SLC30A9: variants seen among roughly 807,000 people sequenced by gnomAD.
SLC30A9 encodes the protein proton-coupled zinc antiporter SLC30A9, mitochondrial.
Under a neutral mutation model 87.5 loss-of-function variants are expected in SLC30A9, and 58 were observed. The observed-to-expected ratio is 0.66, with a 90% CI of 0.54 to 0.82. The LOEUF (loss-of-function observed/expected upper bound fraction) is 0.82, where lower values mean the gene tolerates loss of function less well. SLC30A9 is among the 40% of genes least tolerant of loss of function. The probability of loss-of-function intolerance (pLI) is 0.00; values close to 1 mark genes in which losing one functional copy is unlikely to be tolerated. For synonymous variants in SLC30A9, 234 were observed against 233.0 expected (o/e 1.00, Z -0.04); for missense variants, 557 against 679.1 (o/e 0.82, Z 2.00).
At chr4:42,031,019 T>C (rs1716412776) in intron 6 of SLC30A9, among the ~76,000 whole-genome samples, 1 of 152,254 alleles carries the variant, frequency 6.6e-6, no homozygotes, top group South Asian at 2.1e-4. Flanking sequence ...TTTTTATTTA[T>C]GCAGTTGTAC....
intron 15 of SLC30A9, among the ~76,000 whole-genome samples, chr4:42,071,015 C>T (rs1258533052): frequency 2.0e-5 from 3 of 151,924 alleles, no homozygotes; most frequent in South Asian, 2.1e-4. Context: ...GCCTTATATT[C>T]GCATTGCAAT....
intron 6 of SLC30A9, among the ~76,000 whole-genome samples, chr4:42,027,728 A>G (rs561098243): frequency 1.3e-5 from 2 of 152,346 alleles, no homozygotes; most frequent in South Asian, 4.1e-4. Context: ...AAGATGGAAT[A>G]TATTACAGCA....
chr4:42,002,512 T>G (rs1489886236), intron 2 of SLC30A9, among the ~76,000 whole-genome samples: 1 of 152,072 alleles, frequency 6.6e-6, no homozygotes, highest in Non-Finnish European at 1.5e-5. Flanking sequence ...TAGTTATAAG[T>G]GAGAATATGT....
At chr4:42,049,591 T>G (rs4241696) in intron 9 of SLC30A9, 112 bp downstream of exon 9, 383,946 of 499,744 alleles carry the variant, frequency 0.77, 152,071 homozygotes, top group East Asian at 0.97. Context: ...GCTTGTGGGA[T>G]AAAATAAAAG....
At chr4:42,069,497 A>G (rs186317889) in intron 14 of SLC30A9, among the ~76,000 whole-genome samples, 1 of 152,320 alleles carries the variant, frequency 6.6e-6, no homozygotes, top group East Asian at 1.9e-4. Context: ...CAAAACTTCT[A>G]ATGGATAATG....
intron 6 of SLC30A9, among the ~76,000 whole-genome samples, chr4:42,033,158 A>T (rs1159128339): frequency 6.6e-6 from 1 of 152,088 alleles, no homozygotes; most frequent in African/African-American, 2.4e-5. Context: ...TTTGCTTCTG[A>T]TTTTTAAAAA....
chr4:42,013,432 G>A (rs1364607239), intron 2 of SLC30A9, among the ~76,000 whole-genome samples: 5 of 152,090 alleles, frequency 3.3e-5, no homozygotes, highest in Non-Finnish European at 7.3e-5. Context: ...AAAAACTGTG[G>A]AGGAATATTA....
chr4:42,028,596 A>G (rs1173380707), intron 6 of SLC30A9, among the ~76,000 whole-genome samples: 1 of 152,264 alleles, frequency 6.6e-6, no homozygotes, highest in African/African-American at 2.4e-5. Flanking sequence ...CCTTTTCATC[A>G]GTAGATACTT....
chr4:42,086,200 T>C lies in SLC30A9; in HGVS notation c.*74T>C. On this transcript the variant is annotated 3_prime_UTR_variant, in exon 18 of 18. Coordinates refer to ENST00000264451, the MANE Select transcript of SLC30A9 (RefSeq NM_006345.4). Reference sequence around the variant, plus strand: ...CCGTCCACTCTACAAAGTTTCCTCCTCTCCTACACTGAAAGACTCAGTGCC... The same window carrying C: ...CCGTCCACTCTACAAAGTTTCCTCCCCTCCTACACTGAAAGACTCAGTGCC... The C allele has an allele frequency of 1.1e-6, 1 of 879,524 alleles. No homozygotes were observed. Among genetic ancestry groups the C allele is most frequent in the South Asian group, 2.1e-5 (1 of 47,080 alleles). The allele number at this position is 879,524 out of a possible 1,614,324, so 54.5% of individuals were successfully genotyped here. A position where few individuals can be genotyped will look rare whatever the true frequency, so the allele number is the denominator to read the frequency against.
intron 6 of SLC30A9, chr4:42,030,120 C>A: frequency 2.2e-6 from 2 of 914,668 alleles, no homozygotes; most frequent in Non-Finnish European, 3.1e-6. Flanking sequence ...AAGTTAAGAG[C>A]TGATCACAAG....
At chr4:42,054,676 G>C (rs1717530929) in intron 9 of SLC30A9, among the ~76,000 whole-genome samples, 1 of 151,716 alleles carries the variant, frequency 6.6e-6, no homozygotes, top group East Asian at 2.0e-4. Flanking sequence ...ATTTTTAGTA[G>C]AGACGGGGTT....
intron 9 of SLC30A9, among the ~76,000 whole-genome samples, chr4:42,056,469 C>T (rs1411794769): frequency 1.3e-5 from 2 of 152,164 alleles, no homozygotes; most frequent in East Asian, 3.9e-4. Context: ...TTAAAACCAT[C>T]AGATCTTGTG....
At chr4:42,000,328 TGAA>T (rs1714927150) in intron 1 of SLC30A9, among the ~76,000 whole-genome samples, 1 of 152,128 alleles carries the variant, frequency 6.6e-6, no homozygotes, top group African/African-American at 2.4e-5. Flanking sequence ...GTGGCCAGGA[TGAA>T]GAAGATGCTT....
chr4:42,023,399 T>A lies in SLC30A9; in HGVS notation c.610+15T>A. ...ATACAGAGAAAGTAAGTATATTCAA[T>A]TTAAAGTCAAGTTAATTGAAAAATA... On this transcript the variant is annotated intron_variant, in intron 6 of 17. Transcript: ENST00000264451. 1 of 1,498,954 alleles carries A rather than the reference T, an allele frequency of 6.7e-7. No individual in the cohort carries two copies. Among genetic ancestry groups the A allele is most frequent in the Non-Finnish European group, 9.3e-7 (1 of 1,075,254 alleles). The allele number at this position is 1,498,954 out of a possible 1,614,324, so 92.9% of individuals were successfully genotyped here.
At chr4:41,994,812 C>T (rs1305030674) in intron 1 of SLC30A9, among the ~76,000 whole-genome samples, 2 of 136,734 alleles carry the variant, frequency 1.5e-5, no homozygotes, top group Admixed American at 7.8e-5. Flanking sequence ...TGCTTGAACC[C>T]GTCAGATGTG....
chr4:42,085,642 T>G (rs1363144194), intron 17 of SLC30A9, among the ~76,000 whole-genome samples: 1 of 152,228 alleles, frequency 6.6e-6, no homozygotes, highest in African/African-American at 2.4e-5. Flanking sequence ...GAACAGAGTC[T>G]TATTTAATAA....
chr4:42,070,453 C>G, intron 14 of SLC30A9, 73 bp from the exon 15 acceptor site: 1 of 1,182,012 alleles, frequency 8.5e-7, no homozygotes, highest in Non-Finnish European at 1.2e-6. Context: ...CGTTCTGGTT[C>G]TTTGCTCTCT....
chr4:42,011,650 C>T (rs1404407005), intron 2 of SLC30A9, among the ~76,000 whole-genome samples: 1 of 152,062 alleles, frequency 6.6e-6, no homozygotes, highest in Non-Finnish European at 1.5e-5. Flanking sequence ...CCTAATGCTA[C>T]GAAAGCCAAT....
Position 42,001,681 on chromosome 4 carries a change from G to A in SLC30A9, c.175G>A (p.Gly59Ser). Residue 59 changes from glycine to serine, a missense_variant, in exon 2 of 18, where the codon GGT becomes AGT. Transcript: ENST00000264451. ...NMVPCSHPYI[G>S]TLSQVKLYST... Reference sequence around the variant, plus strand: ...GGTTCCCTGTAGTCATCCATATATTGGTACCCTGAGTCAAGTAAAGTTGTA... The same window carrying A: ...GGTTCCCTGTAGTCATCCATATATTAGTACCCTGAGTCAAGTAAAGTTGTA... The A allele has an allele frequency of 6.2e-7, 1 of 1,607,724 alleles. No individual in the cohort carries two copies.
Sources: gnomAD v4.1 joint callset for allele counts (sites outside exome capture counted in the v4.1 genomes callset) on GRCh38, gnomAD v4.1.1 for gene constraint, MANE v1.5 for transcripts, NCBI Gene and HGNC (gene_info 2026-07-23, HGNC 2026-07-21) for gene names.